SYNJ2: variants seen among roughly 807,000 people sequenced by gnomAD.
The protein encoded by SYNJ2 is synaptojanin 2.
A neutral mutation model predicts 141.3 loss-of-function variants in SYNJ2; 116 were observed. That is an observed-to-expected ratio of 0.82 (90% confidence interval 0.71 to 0.96). SYNJ2 has a LOEUF of 0.96. SYNJ2 is among the 40% of genes least tolerant of loss of function. The pLI is 0.00. For synonymous variants in SYNJ2, 745 were observed against 777.7 expected (o/e 0.96, Z 0.70); for missense variants, 1,873 against 1,934.8 (o/e 0.97, Z 0.60).
At chr6:158,064,549 G>T in intron 9 of SYNJ2, 52 bp from the exon 10 acceptor site, 3 of 1,599,204 alleles carry the variant, frequency 1.9e-6, no homozygotes, top group Non-Finnish European at 1.7e-6. Flanking sequence ...GACAGTGGCT[G>T]CAGGGCCTCT....
intron 1 of SYNJ2, among the ~76,000 whole-genome samples, chr6:158,011,699 A>G (rs1435683389): frequency 6.6e-6 from 1 of 152,174 alleles, no homozygotes; most frequent in Non-Finnish European, 1.5e-5. Context: ...TCCCAGGGTC[A>G]TCTTCCCACC....
chr6:158,084,947 A>G lies in SYNJ2; in HGVS notation c.3208+773A>G, dbSNP rs190114651. Among the ~76,000 whole-genome samples the G allele has an allele frequency of 1.2e-3, 179 of 151,630 alleles. No individual in the cohort carries two copies. The highest frequency in any genetic ancestry group is 4.2e-3 in the African/African-American group (172 of 41,270). On this transcript the variant is annotated intron_variant, in intron 22 of 26. Transcript: ENST00000355585. This position sits in a 1 kb window ranked among gnomAD's most constrained non-coding sequence, Gnocchi z 5.0. ...TACAGTCATGTCATACGGTCACATC[A>G]TTGTATCATTTTAGACTTCAGAGGG...
In SYNJ2 at chr6:158,087,043, G is replaced by A. The variant is rs997833366; in HGVS notation, c.3343+54G>A. 20 of 1,565,982 alleles carry A rather than the reference G, an allele frequency of 1.3e-5. No homozygotes were observed. The South Asian group carries it at 1.7e-4, about 13-fold the overall frequency. ...GGATGCCTGCCAGGAATAACCGCGCGTTCCCTGCTACTGAAAACACGGCTC... is the reference window on the plus strand; with the variant it reads ...GGATGCCTGCCAGGAATAACCGCGCATTCCCTGCTACTGAAAACACGGCTC... On this transcript the variant is annotated intron_variant, in intron 23 of 26. Coordinates refer to ENST00000355585, the MANE Select transcript of SYNJ2 (RefSeq NM_003898.4).
At chr6:157,985,149 G>A (rs948649354) in intron 1 of SYNJ2, among the ~76,000 whole-genome samples, 17 of 152,206 alleles carry the variant, frequency 1.1e-4, no homozygotes, top group African/African-American at 3.9e-4. Flanking sequence ...TTCAGGCAAG[G>A]CCTGGAGACA....
At chr6:158,083,347 G>A in intron 20 of SYNJ2, 82 bp from the exon 21 acceptor site, 1 of 1,520,012 alleles carries the variant, frequency 6.6e-7, no homozygotes, top group Non-Finnish European at 8.9e-7. Flanking sequence ...AGGGTGTGTG[G>A]GTTTTGGTGA....
chr6:158,017,611 T>C lies in SYNJ2; in HGVS notation c.214+321T>C, dbSNP rs549521630. 107 of 399,318 alleles carry C rather than the reference T, an allele frequency of 2.7e-4. 2 individuals carry two copies. Among genetic ancestry groups the C allele is most frequent in the Non-Finnish European group, 4.2e-4 (86 of 204,016 alleles). 24.7% of individuals were successfully genotyped at this position (399,318 alleles called of 1,614,324 possible). A position where few individuals can be genotyped will look rare whatever the true frequency, so the allele number is the denominator to read the frequency against. On this transcript the variant is annotated intron_variant, in intron 2 of 26. Coordinates refer to ENST00000355585, the MANE Select transcript of SYNJ2 (RefSeq NM_003898.4). ...TTGTATTTTTAGTAGAGACGGGGTT[T>C]TTCCATGTTGGTCAGGCTGGTCTGA...
At position 158,095,971 on chromosome 6, in the gene SYNJ2, CCCCTCTGGG is replaced by C; in HGVS notation, c.4100_4108del (p.Pro1367_Gly1369del). ...GCCTCACTTACAATAGCAGTGACAGCCCCTCTGGGCACCCACCTGCCGCGGGCACCGTCT... is the reference window on the plus strand; with the variant it reads ...GCCTCACTTACAATAGCAGTGACAGCCACCCACCTGCCGCGGGCACCGTCT... On this transcript the variant is annotated inframe_deletion, in exon 27 of 27. Transcript: ENST00000355585. 6.2e-7 allele frequency: 1 copy of C among 1,614,178 alleles called. No homozygotes were observed. The highest frequency in any genetic ancestry group is 1.1e-5 in the South Asian group (1 of 91,088).
intron 16 of SYNJ2, among the ~76,000 whole-genome samples, chr6:158,075,513 CGCCTGTAATCCCA>C (rs1782224108): frequency 6.6e-6 from 1 of 151,780 alleles, no homozygotes. Context: ...TGGTGGCAGG[CGCCTGTAATCCCA>C]GCTACTCAGG....
At chr6:157,988,025 T>C (rs1777272293) in intron 1 of SYNJ2, among the ~76,000 whole-genome samples, 1 of 152,260 alleles carries the variant, frequency 6.6e-6, no homozygotes, top group Non-Finnish European at 1.5e-5. Context: ...GAGGGCCATG[T>C]CCAGTGGCCT....
Position 158,064,709 on chromosome 6 carries a change from A to G in SYNJ2, c.1318A>G (p.Lys440Glu), listed in dbSNP as rs1376120754. 1 of 1,613,992 alleles carries G rather than the reference A, an allele frequency of 6.2e-7. No individual in the cohort carries two copies. Among genetic ancestry groups the G allele is most frequent in the Non-Finnish European group, 8.5e-7 (1 of 1,180,020 alleles). Reference protein sequence around the residue: ...MWSLNGHSLSKVFTGSRALEG... With the variant: ...MWSLNGHSLSEVFTGSRALEG... ...GTCTCTGAATGGCCACAGCCTGAGC[A>G]AGGTGTTCACAGGCAGCAGAGCCCT... The change falls in exon 10 of 27, where the codon AAG becomes GAG. Residue 440 changes from lysine (K) to glutamate (E), a missense_variant. Lys to Glu is a moderately conservative substitution (Grantham distance 56). Transcript: ENST00000355585.
intron 1 of SYNJ2, among the ~76,000 whole-genome samples, chr6:157,998,698 A>G (rs1025017440): frequency 2.0e-5 from 3 of 152,268 alleles, no homozygotes; most frequent in African/African-American, 7.2e-5. Flanking sequence ...CGGCATGGAA[A>G]GATGTTCTAA....
At chr6:158,033,786 G>T in intron 4 of SYNJ2, 106 bp downstream of exon 4, 1 of 1,188,122 alleles carries the variant, frequency 8.4e-7, no homozygotes, top group Non-Finnish European at 1.2e-6. Flanking sequence ...TATTTGTGGT[G>T]GTCTCTGATC....
chr6:158,090,552 T>TG (rs1460815324), intron 25 of SYNJ2, among the ~76,000 whole-genome samples: 3 of 148,818 alleles, frequency 2.0e-5, no homozygotes, highest in East Asian at 2.0e-4. Context: ...GTTTTTTTTT[T>TG]TTTTTTTTTT....
chr6:158,046,642 G>T (rs1780250459), intron 5 of SYNJ2, among the ~76,000 whole-genome samples: 1 of 152,206 alleles, frequency 6.6e-6, no homozygotes, highest in Non-Finnish European at 1.5e-5. Flanking sequence ...GCAGAGGGTG[G>T]TGGATGAGGA....
At chr6:158,038,858 G>A (rs548536325) in intron 4 of SYNJ2, among the ~76,000 whole-genome samples, 1 of 152,278 alleles carries the variant, frequency 6.6e-6, no homozygotes, top group East Asian at 1.9e-4. Context: ...CCAGGGCAGG[G>A]AGAAGCGTGT....
At position 158,062,090 on chromosome 6, in the gene SYNJ2, C is replaced by G. The variant is rs773726472; in HGVS notation, c.1053C>G (p.Thr351=). Residue 351 remains threonine, a synonymous_variant, in exon 8 of 27, where the codon ACC becomes ACG. Transcript: ENST00000355585. ...GTGGGAAGCTAGAGAAATTGGAGAC[C>G]CTCTTGAGGCCACAGTTAAAGCTGC... ...AKGGKLEKLE[T]LLRPQLKLHW... 5 of 1,614,114 alleles carry G rather than the reference C, an allele frequency of 3.1e-6. No individual in the cohort carries two copies. The East Asian group carries it at 1.1e-4, about 36-fold the overall frequency.
upstream of SYNJ2, chr6:157,981,788 G>A: frequency 2.0e-6 from 1 of 510,664 alleles, no homozygotes; most frequent in Non-Finnish European, 3.0e-6. This position sits in a 1 kb window ranked among gnomAD's most constrained non-coding sequence, Gnocchi z 6.4. Context: ...AGGCTGGGGA[G>A]GCGCGAGTGG....
At chr6:158,061,643 C>G (rs1458948158) in intron 7 of SYNJ2, among the ~76,000 whole-genome samples, 1 of 152,042 alleles carries the variant, frequency 6.6e-6, no homozygotes, top group African/African-American at 2.4e-5. Flanking sequence ...CCTGGGGCAC[C>G]TGGGCCACCT....
chr6:158,019,462 C>G (rs1241279451), intron 2 of SYNJ2, among the ~76,000 whole-genome samples: 1 of 152,196 alleles, frequency 6.6e-6, no homozygotes, highest in Non-Finnish European at 1.5e-5. Flanking sequence ...TTGGTCCTAA[C>G]CAGGAAGGGT....
Sources: allele counts gnomAD v4.1 joint callset (sites outside exome capture counted in the v4.1 genomes callset), GRCh38; gene constraint gnomAD v4.1.1; non-coding constraint Gnocchi (gnomAD v3.1); transcripts MANE v1.5; gene names NCBI Gene and HGNC (gene_info 2026-07-23, HGNC 2026-07-21).